CYFIP1: variants seen among roughly 807,000 people sequenced by gnomAD.
CYFIP1 encodes cytoplasmic FMR1 interacting protein 1.
CYFIP1 carries 58 observed loss-of-function variants against 163.5 expected under a neutral mutation model. That is an observed-to-expected ratio of 0.35 (90% confidence interval 0.29 to 0.44). CYFIP1 has a LOEUF of 0.44. Among genes scored for constraint, CYFIP1 ranks in the 20% least tolerant of loss-of-function variants. CYFIP1 has a pLI of 1.00. For missense variants in CYFIP1, 1,338 were observed against 1,653.8 expected (o/e 0.81, Z 3.31); for synonymous variants, 663 against 660.7 (o/e 1.00, Z -0.05).
At chr15:22,957,067 C>T (rs549591767) in intron 1 of CYFIP1, among the ~76,000 whole-genome samples, 37 of 152,366 alleles carry the variant, frequency 2.4e-4, no homozygotes, top group Admixed American at 4.6e-4. Context: ...GCGAAGGCGT[C>T]GGTGCCACGC....
chr15:22,897,528 G>C (rs180883383), intron 22 of CYFIP1, among the ~76,000 whole-genome samples: 1 of 151,466 alleles, frequency 6.6e-6, no homozygotes, highest in Non-Finnish European at 1.5e-5. Flanking sequence ...CTGTCACCCA[G>C]GCTGGAGTGC....
intron 1 of CYFIP1, among the ~76,000 whole-genome samples, chr15:22,952,192 G>C (rs2062273332): frequency 6.6e-6 from 1 of 152,104 alleles, no homozygotes. Context: ...GTCAAACTCA[G>C]AGACAGAAAG....
At chr15:22,886,104 A>G (rs1245020233) in intron 23 of CYFIP1, among the ~76,000 whole-genome samples, 2 of 152,148 alleles carry the variant, frequency 1.3e-5, no homozygotes, top group Non-Finnish European at 2.9e-5. Flanking sequence ...GAGAAGAGAG[A>G]GCAAGGGGGA....
chr15:22,933,970 A>T, intron 9 of CYFIP1, 77 bp from the exon 10 acceptor site: 1 of 981,668 alleles, frequency 1.0e-6, no homozygotes, highest in Non-Finnish European at 1.6e-6. Flanking sequence ...GAAACTGACT[A>T]ATGCTAATAA....
At chr15:22,874,822 C>T (rs142517242) in intron 27 of CYFIP1, among the ~76,000 whole-genome samples, 178 bp from the exon 28 acceptor site, 3 of 152,150 alleles carry the variant, frequency 2.0e-5, no homozygotes, top group African/African-American at 4.8e-5. Context: ...ACCGGCAGAA[C>T]CAATTTTCTG....
chr15:22,917,249 G>T lies in CYFIP1; in HGVS notation c.1674+539C>A. 7.2e-7 allele frequency: 1 copy of T among 1,397,500 alleles called. No individual in the cohort carries two copies. Among genetic ancestry groups the T allele is most frequent in the Non-Finnish European group, 9.2e-7 (1 of 1,082,786 alleles). The allele number at this position is 1,397,500 out of a possible 1,614,324, so 86.6% of individuals were successfully genotyped here. Reference sequence around the variant, plus strand: ...TGGCAGAAGAGATTAAAAGCCTCCGGCAGAGATGAGGGAGAAGACCAGCCC... The same window carrying T: ...TGGCAGAAGAGATTAAAAGCCTCCGTCAGAGATGAGGGAGAAGACCAGCCC... On this transcript the variant is annotated intron_variant, in intron 15 of 30. Coordinates refer to ENST00000617928, the MANE Select transcript of CYFIP1 (RefSeq NM_014608.6). The surrounding 1 kb of genome is among the most constrained non-coding windows in gnomAD (Gnocchi z 4.2).
At chr15:22,907,113 C>G (rs143813622) in intron 21 of CYFIP1, among the ~76,000 whole-genome samples, 56 of 152,322 alleles carry the variant, frequency 3.7e-4, no homozygotes, top group African/African-American at 1.1e-3. Context: ...AGCAGCTTCT[C>G]CCATGGGCAG....
chr15:22,912,450 G>A (rs973091616), intron 17 of CYFIP1, 175 bp from the exon 18 acceptor site: 30 of 522,798 alleles, frequency 5.7e-5, no homozygotes, highest in Admixed American at 3.1e-4. Flanking sequence ...CGCCTGAGGC[G>A]GCCGCCACAC....
At chr15:22,958,590 C>T (rs35146866) in intron 1 of CYFIP1, among the ~76,000 whole-genome samples, 24,387 of 152,180 alleles carry the variant, frequency 0.16, 2,129 homozygotes, top group Non-Finnish European at 0.19. Context: ...GGCTGCAGCC[C>T]CTTCGGCCAG....
At chr15:22,931,352 AC>A (rs2061531057) in intron 11 of CYFIP1, among the ~76,000 whole-genome samples, 1 of 152,124 alleles carries the variant, frequency 6.6e-6, no homozygotes, top group Non-Finnish European at 1.5e-5. Flanking sequence ...AACATGGCAA[AC>A]CCAGCTGCAA....
chr15:22,944,899 A>G lies in CYFIP1; in HGVS notation c.248T>C (p.Leu83Pro). Residue 83 changes from leucine (L) to proline (P), a missense_variant, in exon 4 of 31, where the codon CTG (leucine) becomes CCG (proline). Coordinates refer to ENST00000617928, the MANE Select transcript of CYFIP1 (RefSeq NM_014608.6). ...CCGGGAGCAGCTCCTCCAGGTGTAC[A>G]GCATGACAGCATATTCTTGGCCCTC... ...LEEGQEYAVM[L>P]YTWRSCSRAI... 1 of 1,614,146 alleles carries G rather than the reference A, an allele frequency of 6.2e-7. No homozygotes were observed. The highest frequency in any genetic ancestry group is 8.5e-7 in the Non-Finnish European group (1 of 1,179,998).
chr15:22,914,911 T>C (rs200919879), intron 16 of CYFIP1, 29 bp from the exon 17 acceptor site: 4 of 1,582,518 alleles, frequency 2.5e-6, no homozygotes, highest in Non-Finnish European at 3.4e-6. Context: ...CTCCATGTTA[T>C]CTCCCGCAAG....
intron 5 of CYFIP1, 43 bp from the exon 6 acceptor site, chr15:22,943,397 A>C (rs2061955428): frequency 6.3e-7 from 1 of 1,594,368 alleles, no homozygotes; most frequent in African/African-American, 1.3e-5. Context: ...CAGGTCAGTG[A>C]GGAGCCAAGC....
Position 22,875,269 on chromosome 15 carries a change from A to C in CYFIP1, c.3045T>G (p.Ser1015=), listed in dbSNP as rs377423117. The change falls in exon 27 of 31, where the codon TCT becomes TCG. Residue 1015 remains serine (S), a splice_region_variant and synonymous_variant. Transcript: ENST00000617928. ...GCAGCAGGTCACACACTTCTTCTAAAGACTAGAGCAGAGAAAGAGAGGGTC... is the reference window on the plus strand; with the variant it reads ...GCAGCAGGTCACACACTTCTTCTAACGACTAGAGCAGAGAAAGAGAGGGTC... ...LFCLLIEQSL[S]LEEVCDLLHA... is the part of the protein sequence containing the mutation. The C allele has an allele frequency of 1.9e-6, 3 of 1,614,016 alleles. No homozygotes were observed. The South Asian group carries it at 3.3e-5, about 18-fold the overall frequency.
intron 1 of CYFIP1, among the ~76,000 whole-genome samples, chr15:22,954,085 G>A (rs921166648): frequency 9.9e-5 from 15 of 151,912 alleles, no homozygotes; most frequent in African/African-American, 3.4e-4. Context: ...AAAAACAATA[G>A]GATCGCATTT....
intron 30 of CYFIP1, among the ~76,000 whole-genome samples, chr15:22,871,454 T>C (rs879656044): frequency 6.6e-6 from 1 of 152,164 alleles, no homozygotes; most frequent in Non-Finnish European, 1.5e-5. Context: ...ACAAGTTAAC[T>C]AAGACACATG....
intron 10 of CYFIP1, 38 bp downstream of exon 10, chr15:22,933,764 C>A (rs1213558235): frequency 1.3e-6 from 2 of 1,501,142 alleles, no homozygotes; most frequent in Non-Finnish European, 1.8e-6. Flanking sequence ...GAGGACACTG[C>A]CGAAAGCTCA....
At position 22,947,626 on chromosome 15, in the gene CYFIP1, C is replaced by G. The variant is rs936767311; in HGVS notation, c.-6-335G>C. Among the ~76,000 whole-genome samples the G allele has an allele frequency of 2.6e-5, 4 of 152,234 alleles. No individual in the cohort carries two copies. In the South Asian group the frequency reaches 6.2e-4, roughly 24 times the overall value. On this transcript the variant is annotated intron_variant, in intron 1 of 30. Coordinates refer to ENST00000617928, the MANE Select transcript of CYFIP1 (RefSeq NM_014608.6). ...GAGTTGCTGGTGCTGAGGACTCTCT[C>G]GAGGGTCTGACGACCCCCTCAAAGT...
At position 22,946,270 on chromosome 15, in the gene CYFIP1, C is replaced by T. The variant is rs368729109; in HGVS notation, c.207+733G>A. Among the ~76,000 whole-genome samples, 18 of 151,158 alleles carry T rather than the reference C, an allele frequency of 1.2e-4. No individual in the cohort carries two copies. In the East Asian group the frequency reaches 2.7e-3, roughly 23 times the overall value. On this transcript the variant is annotated intron_variant, in intron 3 of 30. Transcript: ENST00000617928. ...AGTGAGCCCTAATCACACCACTGCA[C>T]TCTAGCCTGGGCAACCTGAGTGAGA...
Sources: allele counts gnomAD v4.1 joint callset (sites outside exome capture counted in the v4.1 genomes callset), GRCh38; gene constraint gnomAD v4.1.1; non-coding constraint Gnocchi (gnomAD v3.1); transcripts MANE v1.5; gene names NCBI Gene and HGNC (gene_info 2026-07-23, HGNC 2026-07-21).